PLEKHA5: variants seen among roughly 807,000 people sequenced by gnomAD.
PLEKHA5 encodes the protein pleckstrin homology domain-containing family A member 5.
In PLEKHA5, 55 loss-of-function variants were observed where a neutral mutation model predicts 181.9. The ratio of observed to expected loss-of-function variants is 0.30; its 90% CI spans 0.24 to 0.38. The LOEUF (loss-of-function observed/expected upper bound fraction) is 0.38. Among genes scored for constraint, PLEKHA5 ranks in the 10% least tolerant of loss-of-function variants. The pLI is 1.00. For missense variants in PLEKHA5, 1,432 were observed against 1,549.5 expected, an observed-to-expected ratio of 0.92 and a Z score of 1.27; for synonymous variants, 535 against 529.4, an observed-to-expected ratio of 1.01 and a Z score of -0.15.
chr12:19,282,398 A>G (rs1026355160), intron 11 of PLEKHA5, among the ~76,000 whole-genome samples: 1 of 152,216 alleles, frequency 6.6e-6, no homozygotes, highest in Non-Finnish European at 1.5e-5. Flanking sequence ...AATTCTGAGC[A>G]TCAGCTCCAA....
intron 21 of PLEKHA5, among the ~76,000 whole-genome samples, chr12:19,337,130 G>A (rs1254368359): frequency 2.6e-5 from 4 of 151,534 alleles, no homozygotes; most frequent in African/African-American, 9.7e-5. Context: ...TGGGATCACA[G>A]GCATGCACCA....
chr12:19,362,301 A>AGG (rs2095274339), intron 29 of PLEKHA5, among the ~76,000 whole-genome samples: 1 of 152,002 alleles, frequency 6.6e-6, no homozygotes, highest in Non-Finnish European at 1.5e-5. Context: ...TGGGAGGCCA[A>AGG]CGGGGGCAGA....
chr12:19,186,834 C>G (rs964045236), intron 3 of PLEKHA5, among the ~76,000 whole-genome samples: 30 of 152,130 alleles, frequency 2.0e-4, no homozygotes, highest in Non-Finnish European at 1.2e-4. Context: ...ATTCCTTTCT[C>G]TTTGGGCAGA....
chr12:19,160,678 T>G (rs1429056086), intron 3 of PLEKHA5, among the ~76,000 whole-genome samples: 3 of 152,156 alleles, frequency 2.0e-5, no homozygotes, highest in Non-Finnish European at 2.9e-5. Flanking sequence ...TCTTTTTAGT[T>G]ATTATTAGAA....
chr12:19,290,828 T>C (rs1565574512), intron 14 of PLEKHA5, 32 bp downstream of exon 14: 2 of 1,501,240 alleles, frequency 1.3e-6, no homozygotes, highest in Non-Finnish European at 8.9e-7. Context: ...CTGTGTCGTC[T>C]GCCATCATCT....
At chr12:19,375,072 C>G (rs1053348240) in intron 31 of PLEKHA5, among the ~76,000 whole-genome samples, 1 of 151,878 alleles carries the variant, frequency 6.6e-6, no homozygotes, top group African/African-American at 2.4e-5. Context: ...GCCTGTAATC[C>G]TAGCACTTTG....
intron 3 of PLEKHA5, among the ~76,000 whole-genome samples, chr12:19,192,492 G>C (rs1386145534): frequency 6.6e-6 from 1 of 152,170 alleles, no homozygotes; most frequent in African/African-American, 2.4e-5. Context: ...GAAGTCAGGA[G>C]TTCAAGACCA....
intron 11 of PLEKHA5, among the ~76,000 whole-genome samples, chr12:19,277,548 G>T (rs1199404000): frequency 1.3e-5 from 2 of 152,042 alleles, no homozygotes; most frequent in Admixed American, 1.3e-4. Flanking sequence ...TAACTGTTAT[G>T]CCAGTTTTTA....
At chr12:19,251,644 A>C (rs1003378239) in intron 3 of PLEKHA5, among the ~76,000 whole-genome samples, 1 of 151,094 alleles carries the variant, frequency 6.6e-6, no homozygotes, top group African/African-American at 2.4e-5. Context: ...GTTGTGCTCA[A>C]ATTGTTCCTT....
chr12:19,161,413 A>G (rs918610156), intron 3 of PLEKHA5, among the ~76,000 whole-genome samples: 2 of 152,190 alleles, frequency 1.3e-5, no homozygotes, highest in Non-Finnish European at 2.9e-5. Flanking sequence ...AAATATTAAT[A>G]TCTAACTTAT....
intron 4 of PLEKHA5, 130 bp downstream of exon 4, chr12:19,254,153 G>T: frequency 1.5e-6 from 1 of 668,508 alleles, no homozygotes; most frequent in East Asian, 2.6e-5. Flanking sequence ...CAGAATGCCA[G>T]CTGTTCACAA....
chr12:19,368,129 T>C (rs1734189401), intron 30 of PLEKHA5, among the ~76,000 whole-genome samples: 2 of 152,164 alleles, frequency 1.3e-5, no homozygotes, highest in Admixed American at 1.3e-4. Flanking sequence ...ATTATAAATT[T>C]ATATTACCAG....
intron 29 of PLEKHA5, among the ~76,000 whole-genome samples, chr12:19,363,328 T>A (rs184450780): frequency 1.4e-3 from 211 of 151,422 alleles, no homozygotes; most frequent in Middle Eastern, 3.4e-3. Context: ...ATTTTTATTT[T>A]TTTATTTTTT....
chr12:19,287,445 G>GA (rs1188426665), intron 12 of PLEKHA5, 28 bp from the exon 13 acceptor site: 2 of 1,434,212 alleles, frequency 1.4e-6, no homozygotes, highest in Admixed American at 1.8e-5. Flanking sequence ...CTTTACCACA[G>GA]AATTACATTG....
chr12:19,356,837 T>C (rs2094959224), intron 26 of PLEKHA5, among the ~76,000 whole-genome samples: 1 of 151,748 alleles, frequency 6.6e-6, no homozygotes, highest in South Asian at 2.1e-4. Context: ...ATTTCTGTAT[T>C]TTTAGTAGAC....
chr12:19,282,179 A>G (rs2076334775), intron 11 of PLEKHA5, among the ~76,000 whole-genome samples: 1 of 152,204 alleles, frequency 6.6e-6, no homozygotes, highest in African/African-American at 2.4e-5. Flanking sequence ...TACATATCCA[A>G]TTCCCAAAAT....
At chr12:19,305,530 C>T (rs1262864487) in intron 15 of PLEKHA5, among the ~76,000 whole-genome samples, 1 of 145,832 alleles carries the variant, frequency 6.9e-6, no homozygotes. Flanking sequence ...TGCTGCACTC[C>T]AGCCTGGGTG....
chr12:19,147,902 A>G (rs987111876), intron 3 of PLEKHA5, among the ~76,000 whole-genome samples: 2 of 151,760 alleles, frequency 1.3e-5, no homozygotes, highest in Non-Finnish European at 2.9e-5. Flanking sequence ...CACCTAGCTA[A>G]TTTATCTATT....
At position 19,322,351 on chromosome 12, in the gene PLEKHA5, T is replaced by A; in HGVS notation, c.2259T>A (p.His753Gln). 6.2e-7 allele frequency: 1 copy of A among 1,613,678 alleles called. No homozygotes were observed. The highest frequency in any genetic ancestry group is 2.2e-5 in the East Asian group (1 of 44,862). ...SRLCEQDKVVHALEEKLQQLH... is the reference protein window; with the variant it reads ...SRLCEQDKVVQALEEKLQQLH... ...TATGTGAACAAGATAAAGTGGTGCA[T>A]GCTCTGGAAGAGAAACTTCAGCAAC... The change falls in exon 19 of 32, where the codon CAT (histidine) becomes CAA (glutamine). Residue 753 changes from histidine (H) to glutamine (Q), a missense_variant. Around this residue, in one of 2 missense-constraint regions of PLEKHA5, gnomAD observed 1,143 missense variants for 1,168.4 expected, o/e 0.98. Transcript: ENST00000429027.
Sources: gnomAD v4.1 joint callset for allele counts (sites outside exome capture counted in the v4.1 genomes callset) on GRCh38, gnomAD v4.1.1 for gene constraint, gnomAD v4.1.1 regional missense constraint, MANE v1.5 for transcripts, NCBI Gene and HGNC (gene_info 2026-07-23, HGNC 2026-07-21) for gene names.